Variants in ST6GALNAC3 observed in about 807,000 individuals in gnomAD.
The protein encoded by ST6GALNAC3 is ST6 N-acetylgalactosaminide alpha-2,6-sialyltransferase 3.
In ST6GALNAC3, 25 loss-of-function variants were observed where a neutral mutation model predicts 32.7. The ratio of observed to expected loss-of-function variants is 0.76; its 90% CI spans 0.56 to 1.07. The LOEUF (loss-of-function observed/expected upper bound fraction) is 1.07. Ranked by LOEUF, ST6GALNAC3 falls within the 50% of genes least tolerant of loss-of-function variation. The probability of loss-of-function intolerance (pLI) is 0.00; values close to 1 mark genes in which losing one functional copy is unlikely to be tolerated. For missense variants in ST6GALNAC3, 355 were observed against 382.4 expected (o/e 0.93, Z 0.60); for synonymous variants, 129 against 133.1 (o/e 0.97, Z 0.21).
chr1:76,112,395 A>T (rs1450305704), intron 1 of ST6GALNAC3, among the ~76,000 whole-genome samples: 1 of 139,966 alleles, frequency 7.1e-6, no homozygotes, highest in African/African-American at 2.8e-5. Flanking sequence ...TCCTTCCCGG[A>T]CTGGGCGGCT....
chr1:76,327,005 C>T (rs1196708157), intron 2 of ST6GALNAC3, among the ~76,000 whole-genome samples: 1 of 151,850 alleles, frequency 6.6e-6, no homozygotes, highest in Non-Finnish European at 1.5e-5. Context: ...GTAAAGCTGA[C>T]CTGACCTAGT....
chr1:76,631,136 G>A lies in ST6GALNAC3; in HGVS notation c.*2330G>A. ...CCTCACTCTATAGCAGAAGGTGTGTGTGGAATATGTAGACTCCAGTGTTTT... is the reference window on the plus strand; with the variant it reads ...CCTCACTCTATAGCAGAAGGTGTGTATGGAATATGTAGACTCCAGTGTTTT... On this transcript the variant is annotated 3_prime_UTR_variant, in exon 5 of 5. Coordinates refer to ENST00000328299, the MANE Select transcript of ST6GALNAC3 (RefSeq NM_152996.4). The A allele has an allele frequency of 1.6e-6, 1 of 642,586 alleles. No homozygotes were observed. The highest frequency in any genetic ancestry group is 1.9e-6 in the Non-Finnish European group (1 of 517,542). 39.8% of individuals were successfully genotyped at this position (642,586 alleles called of 1,614,324 possible).
At chr1:76,491,059 A>G (rs929802918) in intron 3 of ST6GALNAC3, among the ~76,000 whole-genome samples, 1 of 151,682 alleles carries the variant, frequency 6.6e-6, no homozygotes, top group Non-Finnish European at 1.5e-5. Context: ...GGTTTCTCCA[A>G]GTTGGTCAGG....
chr1:76,080,796 A>G (rs1646883915), intron 1 of ST6GALNAC3, among the ~76,000 whole-genome samples: 1 of 152,208 alleles, frequency 6.6e-6, no homozygotes, highest in Non-Finnish European at 1.5e-5. Context: ...AAACCGTAGG[A>G]TAACCCTGGC....
chr1:76,584,188 G>A (rs1402213958), intron 3 of ST6GALNAC3, among the ~76,000 whole-genome samples: 2 of 152,194 alleles, frequency 1.3e-5, no homozygotes, highest in Admixed American at 6.5e-5. Context: ...TTAGTAAATG[G>A]TGGAGCTGGG....
intron 3 of ST6GALNAC3, among the ~76,000 whole-genome samples, chr1:76,546,166 G>T (rs1361471889): frequency 6.6e-6 from 1 of 152,148 alleles, no homozygotes; most frequent in Non-Finnish European, 1.5e-5. Context: ...CCTTACATAC[G>T]CTATAGTGAT....
At chr1:76,209,352 G>A (rs905813786) in intron 1 of ST6GALNAC3, among the ~76,000 whole-genome samples, 2 of 152,210 alleles carry the variant, frequency 1.3e-5, no homozygotes, top group Non-Finnish European at 1.5e-5. Flanking sequence ...TTATATCAGA[G>A]CATCTCATAT....
intron 1 of ST6GALNAC3, among the ~76,000 whole-genome samples, chr1:76,208,140 A>G (rs1029160032): frequency 3.3e-5 from 5 of 151,090 alleles, no homozygotes; most frequent in Non-Finnish European, 7.4e-5. Context: ...CACTTACCTC[A>G]TCTCAGGGCC....
chr1:76,205,772 G>A (rs1423471280), intron 1 of ST6GALNAC3, among the ~76,000 whole-genome samples: 1 of 152,180 alleles, frequency 6.6e-6, no homozygotes. Flanking sequence ...TCAAAGAATT[G>A]AGAATGAATA....
chr1:76,123,271 C>T (rs1205564487), intron 1 of ST6GALNAC3, among the ~76,000 whole-genome samples: 5 of 150,856 alleles, frequency 3.3e-5, no homozygotes, highest in Admixed American at 1.3e-4. Context: ...ACCAGCTACT[C>T]GGGAGGCTGA....
intron 1 of ST6GALNAC3, among the ~76,000 whole-genome samples, chr1:76,208,672 G>A (rs980229818): frequency 2.0e-5 from 3 of 152,090 alleles, no homozygotes; most frequent in Non-Finnish European, 4.4e-5. Context: ...GAAAGGTGGG[G>A]CGAGCAGGAA....
chr1:76,352,525 C>A (rs555475613), intron 2 of ST6GALNAC3, among the ~76,000 whole-genome samples: 1 of 144,014 alleles, frequency 6.9e-6, no homozygotes, highest in Non-Finnish European at 1.5e-5. Flanking sequence ...TTTTTACCTC[C>A]GGCCAATCTC....
intron 3 of ST6GALNAC3, among the ~76,000 whole-genome samples, chr1:76,521,986 T>C (rs951867922): frequency 3.3e-5 from 5 of 151,832 alleles, no homozygotes; most frequent in Non-Finnish European, 7.4e-5. Flanking sequence ...AGAGAATTGC[T>C]TGAACTCAGG....
chr1:76,533,412 CCTTT>C (rs1663387254), intron 3 of ST6GALNAC3, among the ~76,000 whole-genome samples: 1 of 152,114 alleles, frequency 6.6e-6, no homozygotes, highest in Non-Finnish European at 1.5e-5. Context: ...AGATACTTTG[CCTTT>C]TGGGTCCTTC....
chr1:76,635,900 G>T (rs1437867588), downstream of ST6GALNAC3, among the ~76,000 whole-genome samples: 3 of 152,120 alleles, frequency 2.0e-5, no homozygotes, highest in African/African-American at 7.2e-5. Context: ...CGCGTGCCTT[G>T]GTATGGGCAA....
At chr1:76,554,531 GCTGGAGT>G (rs1383664801) in intron 3 of ST6GALNAC3, among the ~76,000 whole-genome samples, 1 of 152,118 alleles carries the variant, frequency 6.6e-6, no homozygotes, top group African/African-American at 2.4e-5. Context: ...TTCCCTGAAG[GCTGGAGT>G]CAGGAGGTTT....
intron 1 of ST6GALNAC3, among the ~76,000 whole-genome samples, chr1:76,154,946 G>C (rs796868290): frequency 6.6e-6 from 1 of 152,138 alleles, no homozygotes; most frequent in African/African-American, 2.4e-5. Flanking sequence ...TTGATTAGAA[G>C]TTCCTTCTGA....
At chr1:76,361,947 C>A (rs1450453291) in intron 2 of ST6GALNAC3, among the ~76,000 whole-genome samples, 1 of 148,470 alleles carries the variant, frequency 6.7e-6, no homozygotes, top group African/African-American at 2.5e-5. Context: ...CACTGCACTC[C>A]AGCCTGGGCA....
intron 1 of ST6GALNAC3, among the ~76,000 whole-genome samples, chr1:76,291,405 C>T (rs906482278): frequency 3.3e-5 from 5 of 152,176 alleles, no homozygotes; most frequent in South Asian, 2.1e-4. Flanking sequence ...GCATGAGGCC[C>T]GGCCAATTCA....
Sources: gnomAD v4.1 joint callset for allele counts (sites outside exome capture counted in the v4.1 genomes callset) on GRCh38, gnomAD v4.1.1 for gene constraint, MANE v1.5 for transcripts, NCBI Gene and HGNC (gene_info 2026-07-23, HGNC 2026-07-21) for gene names.